The following ABCB11 variants were observed in gnomAD, a reference collection of about 807,000 sequenced individuals.
ABCB11 encodes ATP binding cassette subfamily B member 11.
In ABCB11, 95 loss-of-function variants were observed where a neutral mutation model predicts 148.0. That is an observed-to-expected ratio of 0.64 (90% CI 0.54 to 0.76). ABCB11 has a LOEUF of 0.76. ABCB11 is among the 30% of genes least tolerant of loss of function. The pLI is 0.00. For missense variants in ABCB11, 1,523 were observed against 1,617.8 expected, an observed-to-expected ratio of 0.94 and a Z score of 1.01; for synonymous variants, 591 against 555.4, an observed-to-expected ratio of 1.06 and a Z score of -0.90.
At chr2:169,021,983 AAC>A (rs1695555173) in intron 1 of ABCB11, among the ~76,000 whole-genome samples, 2 of 152,026 alleles carry the variant, frequency 1.3e-5, no homozygotes, top group African/African-American at 2.4e-5. Context: ...ACACTAGTAA[AAC>A]ACACACACAT....
Position 168,975,332 on chromosome 2 carries a change from TATAA to T in ABCB11, c.1308+1241_1308+1244del, listed in dbSNP as rs796220093. Among the ~76,000 whole-genome samples the T allele has an allele frequency of 3.1e-5, 2 of 65,016 alleles. 1 individual carries two copies. The highest frequency in any genetic ancestry group is 1.3e-4 in the African/African-American group (2 of 15,024). 42.7% of individuals were successfully genotyped at this position (65,016 alleles called of 152,430 possible). On this transcript the variant is annotated intron_variant, in intron 12 of 27. Coordinates refer to ENST00000650372, the MANE Select transcript of ABCB11 (RefSeq NM_003742.4). Reference sequence around the variant, plus strand: ...ATATTTATAGATAAATATATAAATATATAAATATTTTTATATTTATAGATAAATA... The same window carrying T: ...ATATTTATAGATAAATATATAAATATATATTTTTATATTTATAGATAAATA...
intron 19 of ABCB11, among the ~76,000 whole-genome samples, chr2:168,954,947 CT>C (rs1368531307): frequency 6.6e-6 from 1 of 151,480 alleles, no homozygotes; most frequent in African/African-American, 2.4e-5. Context: ...TCTTTTTATT[CT>C]TTTTTCCTTA....
chr2:168,938,359 G>C (rs1294234073), intron 21 of ABCB11, among the ~76,000 whole-genome samples: 2 of 152,226 alleles, frequency 1.3e-5, no homozygotes, highest in East Asian at 3.9e-4. Context: ...ATGTAGCTCT[G>C]ACACATACTA....
intron 21 of ABCB11, among the ~76,000 whole-genome samples, chr2:168,942,027 T>C (rs1160895468): frequency 6.6e-6 from 1 of 151,966 alleles, no homozygotes; most frequent in East Asian, 1.9e-4. Context: ...TGGTATTTTA[T>C]TATATACCTA....
intron 19 of ABCB11, among the ~76,000 whole-genome samples, chr2:168,956,364 C>T (rs1692792054): frequency 6.6e-6 from 1 of 151,624 alleles, no homozygotes; most frequent in Non-Finnish European, 1.5e-5. Context: ...TTGTTGTGGT[C>T]CTTTGGTGGT....
intron 2 of ABCB11, among the ~76,000 whole-genome samples, chr2:169,017,720 C>A (rs778842036): frequency 6.6e-6 from 1 of 152,046 alleles, no homozygotes; most frequent in Non-Finnish European, 1.5e-5. Context: ...TAAGGAGGAG[C>A]GCTCACTCAA....
chr2:168,947,353 T>A (rs1692367614), intron 19 of ABCB11, among the ~76,000 whole-genome samples: 1 of 151,166 alleles, frequency 6.6e-6, no homozygotes, highest in African/African-American at 2.4e-5. Flanking sequence ...CATCCATTTT[T>A]TTTTTTCCCC....
Position 169,018,235 on chromosome 2 carries a change from T to C in ABCB11, c.-27-83A>G, listed in dbSNP as rs1203234639. 11 of 1,295,666 alleles carry C rather than the reference T, an allele frequency of 8.5e-6. No homozygotes were observed. In the South Asian group the frequency reaches 1.3e-4, roughly 15 times the overall value. 80.3% of individuals were successfully genotyped at this position (1,295,666 alleles called of 1,614,324 possible). A position where few individuals can be genotyped will look rare whatever the true frequency, so the allele number is the denominator to read the frequency against. ...AAAGTAGCCAAACGAAAGAACAATT[T>C]GGTTCAAGAAATAATCTTTACTAAT... is the stretch of plus-strand genomic sequence containing the variant. On this transcript the variant is annotated intron_variant, in intron 1 of 27. Transcript: ENST00000650372.
At chr2:168,929,810 G>A (rs1351581640) in intron 25 of ABCB11, among the ~76,000 whole-genome samples, 4 of 152,086 alleles carry the variant, frequency 2.6e-5, no homozygotes, top group Non-Finnish European at 5.9e-5. Context: ...TTGGGAGGAG[G>A]TAGGCAAAAG....
intron 10 of ABCB11, among the ~76,000 whole-genome samples, chr2:168,983,896 G>A (rs570721107): frequency 6.6e-6 from 1 of 152,222 alleles, no homozygotes; most frequent in South Asian, 2.1e-4. Flanking sequence ...AAATGAAACA[G>A]ATATTTCATT....
In ABCB11 at chr2:168,990,898, G is replaced by A. The variant is rs1170842960; in HGVS notation, c.811C>T (p.Leu271=). ...ACCCCTGCTTTGGCATAGGCCTTCA[G>A]CTCATAGTCCGTAAACTTGGACACA... ...LSVSKFTDYE[L]KAYAKAGVVA... The change falls in exon 9 of 28, where the codon CTG becomes TTG. Residue 271 remains leucine (L), a synonymous_variant. Coordinates refer to ENST00000650372, the MANE Select transcript of ABCB11 (RefSeq NM_003742.4). 6.2e-7 allele frequency: 1 copy of A among 1,613,016 alleles called. No individual in the cohort carries two copies.
At chr2:168,962,756 G>C (rs1025647874) in intron 18 of ABCB11, among the ~76,000 whole-genome samples, 2 of 151,628 alleles carry the variant, frequency 1.3e-5, no homozygotes, top group African/African-American at 4.8e-5. Flanking sequence ...ATAGTTATCT[G>C]GGACAGCACC....
chr2:168,981,666 C>G (rs1325437725), intron 10 of ABCB11, among the ~76,000 whole-genome samples: 1 of 152,116 alleles, frequency 6.6e-6, no homozygotes, highest in Admixed American at 6.6e-5. Context: ...CCACACACGT[C>G]AGAGGTCTTC....
chr2:168,990,669 T>C, intron 9 of ABCB11, 132 bp downstream of exon 9: 1 of 1,101,754 alleles, frequency 9.1e-7, no homozygotes, highest in Non-Finnish European at 1.3e-6. Flanking sequence ...TCTGCTTAGC[T>C]CCCTCTTGAA....
chr2:168,936,416 G>C lies in ABCB11; in HGVS notation c.2628C>G (p.Ile876Met), dbSNP rs200127070. The change falls in exon 22 of 28, where the codon ATC becomes ATG. Residue 876 changes from isoleucine to methionine, a missense_variant. Physicochemically the swap from Ile to Met is conservative, Grantham distance 10. Transcript: ENST00000650372. ...SQVQGAAGSQ[I>M]GMIVNSFTNV... ...TAGTGAAGGAATTGACTATCATCCCGATCTGAGAGCCGGCAGCCTGCAAAC... is the reference window on the plus strand; with the variant it reads ...TAGTGAAGGAATTGACTATCATCCCCATCTGAGAGCCGGCAGCCTGCAAAC... The C allele has an allele frequency of 3.1e-6, 5 of 1,613,852 alleles. No individual in the cohort carries two copies. The highest frequency in any genetic ancestry group is 1.1e-5 in the South Asian group (1 of 91,066).
At chr2:168,982,875 T>C (rs886927569) in intron 10 of ABCB11, among the ~76,000 whole-genome samples, 2 of 152,146 alleles carry the variant, frequency 1.3e-5, no homozygotes, top group African/African-American at 4.8e-5. Flanking sequence ...TCTTAAGATA[T>C]AAGCAGAGGC....
chr2:168,965,330 C>T (rs900535917), intron 17 of ABCB11, among the ~76,000 whole-genome samples: 2 of 151,784 alleles, frequency 1.3e-5, no homozygotes, highest in Admixed American at 6.6e-5. Flanking sequence ...GGGAAGGAGG[C>T]CCCCATTCTC....
intron 17 of ABCB11, among the ~76,000 whole-genome samples, chr2:168,967,346 T>C (rs1693363963): frequency 6.6e-6 from 1 of 151,866 alleles, no homozygotes; most frequent in Non-Finnish European, 1.5e-5. Context: ...AAACTTGTTC[T>C]CAAGAAGAAA....
At position 169,013,505 on chromosome 2, in the gene ABCB11, C is replaced by T. The variant is rs140587295; in HGVS notation, c.156G>A (p.Arg52=). The change falls in exon 5 of 28, where the codon CGG becomes CGA. Residue 52 remains arginine, a synonymous_variant. Transcript: ENST00000650372. Reference sequence around the variant, plus strand: ...GCCAAATGTCAGTTGATGAAGAAAACCGAAACTTGAAAAACAAAGGGTTCA... The same window carrying T: ...GCCAAATGTCAGTTGATGAAGAAAATCGAAACTTGAAAAACAAAGGGTTCA... The part of the protein sequence containing the change: ...GVRVGFFQLF[R]FSSSTDIWLM... The T allele has an allele frequency of 2.3e-4, 377 of 1,612,452 alleles. 5 individuals carry two copies. The African/African-American group carries it at 3.4e-3, about 15-fold the overall frequency.
Sources: gnomAD v4.1 joint callset for allele counts (sites outside exome capture counted in the v4.1 genomes callset) on GRCh38, gnomAD v4.1.1 for gene constraint, MANE v1.5 for transcripts, NCBI Gene and HGNC (gene_info 2026-07-23, HGNC 2026-07-21) for gene names.